The following RNF169 variants were observed in gnomAD, a reference collection of about 807,000 sequenced individuals.
RNF169 encodes E3 ubiquitin-protein ligase RNF169.
Under a neutral mutation model 53.9 loss-of-function variants are expected in RNF169, and 24 were observed. The ratio of observed to expected loss-of-function variants is 0.45; its 90% CI spans 0.32 to 0.63. The LOEUF (loss-of-function observed/expected upper bound fraction) is 0.63. Ranked by LOEUF, RNF169 falls within the 20% of genes least tolerant of loss-of-function variation. RNF169 has a pLI of 0.04. For synonymous variants in RNF169, 396 were observed against 363.5 expected (o/e 1.09, Z -1.02); for missense variants, 883 against 906.2 (o/e 0.97, Z 0.33).
chr11:74,759,568 C>G (rs2035044217), intron 1 of RNF169, among the ~76,000 whole-genome samples: 1 of 143,722 alleles, frequency 7.0e-6, no homozygotes, highest in African/African-American at 2.7e-5. Flanking sequence ...TTGAGATAAT[C>G]ATGTGGTTTT....
At chr11:74,804,739 A>C (rs901297617) in intron 2 of RNF169, among the ~76,000 whole-genome samples, 2 of 152,150 alleles carry the variant, frequency 1.3e-5, no homozygotes, top group African/African-American at 4.8e-5. Context: ...CTGTGGTAAA[A>C]CTGTTTTATT....
intron 2 of RNF169, among the ~76,000 whole-genome samples, chr11:74,795,866 T>A (rs1470214169): frequency 2.6e-5 from 4 of 151,928 alleles, no homozygotes; most frequent in East Asian, 3.9e-4. Flanking sequence ...TCAAAAAAAA[T>A]AAAAAATAAA....
chr11:74,795,221 T>TC (rs200314286), intron 2 of RNF169, among the ~76,000 whole-genome samples: 1 of 934 alleles, frequency 1.1e-3, no homozygotes, highest in African/African-American at 0.017. Flanking sequence ...TAGATACTCT[T>TC]TTTTTTTTTT....
intron 2 of RNF169, among the ~76,000 whole-genome samples, chr11:74,796,984 G>C (rs2035658219): frequency 6.6e-6 from 1 of 152,176 alleles, no homozygotes; most frequent in Non-Finnish European, 1.5e-5. Flanking sequence ...GGCTGAGTAG[G>C]TGGGGCTACA....
chr11:74,777,586 C>G (rs978347564), intron 1 of RNF169, among the ~76,000 whole-genome samples: 2 of 152,004 alleles, frequency 1.3e-5, no homozygotes, highest in African/African-American at 4.8e-5. Flanking sequence ...CAACAAGAAA[C>G]CTTATTCACT....
chr11:74,834,468 C>G (rs577456863), intron 4 of RNF169, among the ~76,000 whole-genome samples: 1 of 152,296 alleles, frequency 6.6e-6, no homozygotes, highest in South Asian at 2.1e-4. Flanking sequence ...AAATCTTGAA[C>G]CAAATATCCT....
At chr11:74,835,507 A>G (rs1339479947) in intron 5 of RNF169, 39 bp from the exon 6 acceptor site, 1 of 1,445,346 alleles carries the variant, frequency 6.9e-7, no homozygotes, top group South Asian at 1.2e-5. Context: ...ATGTATATGT[A>G]TGTGTGTATG....
intron 3 of RNF169, among the ~76,000 whole-genome samples, chr11:74,811,555 GT>G (rs2035876657): frequency 6.6e-6 from 1 of 152,138 alleles, no homozygotes; most frequent in African/African-American, 2.4e-5. Flanking sequence ...TTGCAAAGGT[GT>G]TTTTCCTGAA....
Position 74,836,480 on chromosome 11 carries a change from G to C in RNF169, c.1877G>C (p.Cys626Ser). The C allele has an allele frequency of 6.2e-7, 1 of 1,614,194 alleles. No individual in the cohort carries two copies. The highest frequency in any genetic ancestry group is 8.5e-7 in the Non-Finnish European group (1 of 1,180,038). The change falls in exon 6 of 6, where the codon TGC becomes TCC. Residue 626 changes from cysteine (C) to serine (S), a missense_variant. Cys to Ser is a moderately radical substitution (Grantham distance 112, BLOSUM62 -1). Coordinates refer to ENST00000299563, the MANE Select transcript of RNF169 (RefSeq NM_001098638.2). ...TTGCGTCGAGGCCGGAAAAGACACT[G>C]CAAGACCAAGCACTTAGAACAAAAT... ...PSLRRGRKRH[C>S]KTKHLEQNGS...
intron 4 of RNF169, among the ~76,000 whole-genome samples, chr11:74,823,476 C>T (rs1417559804): frequency 6.6e-6 from 1 of 152,172 alleles, no homozygotes; most frequent in African/African-American, 2.4e-5. Context: ...TGACTCATGC[C>T]TGTAATCCTA....
intron 4 of RNF169, among the ~76,000 whole-genome samples, chr11:74,820,995 A>ACTCACCC (rs2036002089): frequency 6.6e-6 from 1 of 152,218 alleles, no homozygotes; most frequent in African/African-American, 2.4e-5. Flanking sequence ...GCTGCAATTC[A>ACTCACCC]AAGAGGTTAA....
intron 5 of RNF169, 42 bp downstream of exon 5, chr11:74,834,817 C>T (rs1290910133): frequency 7.6e-7 from 1 of 1,317,782 alleles, no homozygotes; most frequent in East Asian, 2.3e-5. Flanking sequence ...TGAGGCTTGC[C>T]CCATCACCCC....
chr11:74,810,742 T>A (rs2035864053), intron 3 of RNF169, among the ~76,000 whole-genome samples: 1 of 152,208 alleles, frequency 6.6e-6, no homozygotes, highest in African/African-American at 2.4e-5. Context: ...AGCAGCACAG[T>A]GTAGATATAA....
At chr11:74,815,732 T>A (rs894875743) in intron 3 of RNF169, among the ~76,000 whole-genome samples, 2 of 152,210 alleles carry the variant, frequency 1.3e-5, no homozygotes, top group Admixed American at 6.5e-5. Flanking sequence ...GAGTAGTCTT[T>A]ATTTTACAGA....
rs981794701 is a variant in RNF169, at chr11:74,760,424, T to C, written c.502+11042T>C. The stretch of plus-strand genomic sequence containing the variant: ...TGTTAGGGTGTCAATTTTGGATCTT[T>C]CCTGCTTTCTCTTGTGGGCATTCAG... On this transcript the variant is annotated intron_variant, in intron 1 of 5. Transcript: ENST00000299563. 7.2e-5 allele frequency among the ~76,000 whole-genome samples: 11 copies of C among 152,266 alleles called. 1 individual carries two copies. Among genetic ancestry groups the C allele is most frequent in the African/African-American group, 2.6e-4 (11 of 41,556 alleles).
intron 1 of RNF169, among the ~76,000 whole-genome samples, 169 bp downstream of exon 1, chr11:74,749,551 C>T (rs191627428): frequency 3.3e-5 from 5 of 152,290 alleles, no homozygotes; most frequent in Admixed American, 3.3e-4. Context: ...GAATTTTGAA[C>T]TTCAGAGTGA....
At chr11:74,794,282 G>A (rs1320880285) in intron 2 of RNF169, among the ~76,000 whole-genome samples, 4 of 152,212 alleles carry the variant, frequency 2.6e-5, no homozygotes, top group Non-Finnish European at 4.4e-5. Flanking sequence ...GATTTTGTCA[G>A]AAGTGTGATG....
intron 4 of RNF169, among the ~76,000 whole-genome samples, chr11:74,834,468 C>T (rs577456863): frequency 1.3e-5 from 2 of 152,178 alleles, no homozygotes; most frequent in African/African-American, 4.8e-5. Context: ...AAATCTTGAA[C>T]CAAATATCCT....
At position 74,772,472 on chromosome 11, in the gene RNF169, GTTTTTTT is replaced by G. The variant is rs35350939; in HGVS notation, c.503-17139_503-17133del. On this transcript the variant is annotated intron_variant, in intron 1 of 5. Coordinates refer to ENST00000299563, the MANE Select transcript of RNF169 (RefSeq NM_001098638.2). ...TGTTAATTTACTACTAGGGATGCTG[GTTTTTTT>G]TTTTTTTTTTTTTTACTTTTATGTA... Among the ~76,000 whole-genome samples, 101 of 128,178 alleles carry G rather than the reference GTTTTTTT, an allele frequency of 7.9e-4. 1 individual carries two copies. The highest frequency in any genetic ancestry group is 2.0e-4 in the Non-Finnish European group (12 of 59,480). 84.1% of individuals were successfully genotyped at this position (128,178 alleles called of 152,430 possible).
Sources: gnomAD v4.1 joint callset for allele counts (sites outside exome capture counted in the v4.1 genomes callset) on GRCh38, gnomAD v4.1.1 for gene constraint, MANE v1.5 for transcripts, NCBI Gene and HGNC (gene_info 2026-07-23, HGNC 2026-07-21) for gene names.